Variants in ADAMTS17 observed in about 807,000 individuals in gnomAD.
ADAMTS17 encodes the protein ADAM metallopeptidase with thrombospondin type 1 motif 17.
A neutral mutation model predicts 141.5 loss-of-function variants in ADAMTS17; 113 were observed. The ratio of observed to expected loss-of-function variants is 0.80; its 90% CI spans 0.69 to 0.93. ADAMTS17 has a LOEUF of 0.93. Among genes scored for constraint, ADAMTS17 ranks in the 40% least tolerant of loss-of-function variants. The pLI, the probability that ADAMTS17 is intolerant of heterozygous loss-of-function variation, is 0.00. For synonymous variants in ADAMTS17, 768 were observed against 630.6 expected (o/e 1.22, Z -3.27); for missense variants, 1,659 against 1,517.9 (o/e 1.09, Z -1.54).
chr15:100,154,226 T>G (rs1012974948), intron 9 of ADAMTS17, among the ~76,000 whole-genome samples: 5 of 152,000 alleles, frequency 3.3e-5, no homozygotes, highest in African/African-American at 1.2e-4. Flanking sequence ...CCATGACCCT[T>G]CTGGGTGAAG....
chr15:100,029,587 C>A (rs1322261083), intron 18 of ADAMTS17, among the ~76,000 whole-genome samples: 4 of 152,208 alleles, frequency 2.6e-5, no homozygotes, highest in Admixed American at 2.6e-4. Flanking sequence ...TGCCTTCAGT[C>A]TCCACTTGGT....
intron 3 of ADAMTS17, among the ~76,000 whole-genome samples, chr15:100,290,478 G>C (rs747000911): frequency 6.6e-6 from 1 of 152,148 alleles, no homozygotes; most frequent in Non-Finnish European, 1.5e-5. Context: ...AACTACCAAA[G>C]ACATTCTTCA....
At chr15:100,198,613 A>C (rs1449357984) in intron 8 of ADAMTS17, among the ~76,000 whole-genome samples, 1 of 152,236 alleles carries the variant, frequency 6.6e-6, no homozygotes, top group African/African-American at 2.4e-5. Context: ...AGAGAAACAT[A>C]AAACAGACAC....
At chr15:100,147,131 A>G (rs980022620) in intron 10 of ADAMTS17, among the ~76,000 whole-genome samples, 1 of 151,892 alleles carries the variant, frequency 6.6e-6, no homozygotes, top group African/African-American at 2.4e-5. Flanking sequence ...CCTAATAAAA[A>G]CTTGCTGGTT....
At chr15:100,131,950 T>C in intron 12 of ADAMTS17, 57 bp downstream of exon 12, 1 of 1,612,384 alleles carries the variant, frequency 6.2e-7, no homozygotes, top group South Asian at 1.1e-5. Flanking sequence ...CAGCGAGAGC[T>C]GCTGTTGGGA....
chr15:100,073,952 A>T (rs1429384943), intron 15 of ADAMTS17: 2 of 152,192 alleles, frequency 1.3e-5, no homozygotes, highest in African/African-American at 4.8e-5. Context: ...TTAATTTTGT[A>T]CCCAACTTCC....
chr15:100,012,657 T>C (rs1202581167), intron 18 of ADAMTS17, among the ~76,000 whole-genome samples: 3 of 152,194 alleles, frequency 2.0e-5, no homozygotes, highest in Admixed American at 6.5e-5. Context: ...TTCCCCACTT[T>C]ATGTTTTTGT....
intron 9 of ADAMTS17, 61 bp downstream of exon 9, chr15:100,155,119 C>T: frequency 1.2e-6 from 2 of 1,611,862 alleles, no homozygotes; most frequent in Admixed American, 1.7e-5. Flanking sequence ...GACTCCAATA[C>T]TTTTGTCTTT....
At position 100,210,061 on chromosome 15, in the gene ADAMTS17, C is replaced by T. The variant is rs531998698; in HGVS notation, c.1076-10638G>A. 6.6e-5 allele frequency among the ~76,000 whole-genome samples: 10 copies of T among 151,814 alleles called. No individual in the cohort carries two copies. In the East Asian group the frequency reaches 1.2e-3, roughly 18 times the overall value. ...CATCCTGGCTAACACGGTGAAACCC[C>T]GTCTCTACTAAAAGTACAAAAAATT... On this transcript the variant is annotated intron_variant, in intron 7 of 21. Coordinates refer to ENST00000268070, the MANE Select transcript of ADAMTS17 (RefSeq NM_139057.4).
intron 17 of ADAMTS17, 71 bp downstream of exon 17, chr15:100,051,501 G>T: frequency 6.2e-7 from 1 of 1,604,360 alleles, no homozygotes. Context: ...TCTGCGTGCT[G>T]GCCACAGATG....
intron 8 of ADAMTS17, among the ~76,000 whole-genome samples, chr15:100,194,140 A>C (rs925374239): frequency 1.1e-4 from 17 of 151,614 alleles, no homozygotes; most frequent in Non-Finnish European, 2.5e-4. Context: ...CACAAAGCAG[A>C]CTCCCTCCCT....
Position 100,121,797 on chromosome 15 carries a change from C to T in ADAMTS17, c.1722-4784G>A, listed in dbSNP as rs192109764. Reference sequence around the variant, plus strand: ...CTGGTATGTGGCTTCTCTCAGCATGCTTCTTCAGTGGCCTGTGATGCATTC... The same window carrying T: ...CTGGTATGTGGCTTCTCTCAGCATGTTTCTTCAGTGGCCTGTGATGCATTC... On this transcript the variant is annotated intron_variant, in intron 12 of 21. Coordinates refer to ENST00000268070, the MANE Select transcript of ADAMTS17 (RefSeq NM_139057.4). Among the ~76,000 whole-genome samples the T allele has an allele frequency of 2.3e-4, 35 of 152,102 alleles. No homozygotes were observed. In the East Asian group the frequency reaches 5.2e-3, roughly 23 times the overall value.
intron 12 of ADAMTS17, among the ~76,000 whole-genome samples, chr15:100,121,605 A>C (rs1482346185): frequency 2.0e-5 from 3 of 152,252 alleles, no homozygotes; most frequent in East Asian, 3.9e-4. Flanking sequence ...ACTGTCCCTC[A>C]AAAATCAAGG....
In ADAMTS17 at chr15:100,155,291, G is replaced by A. The variant is rs1433692555; in HGVS notation, c.1211C>T (p.Ser404Leu). 8.7e-6 allele frequency: 14 copies of A among 1,614,138 alleles called. No homozygotes were observed. The highest frequency in any genetic ancestry group is 1.2e-5 in the Non-Finnish European group (14 of 1,180,002). The stretch of plus-strand genomic sequence containing the variant: ...GATGTGGGACCTGCCAGCGCAAGAT[G>A]AGTGGTCATCGTCGTGGTTCATGCC... ...NLGMNHDDDH[S>L]SCAGRSHIMS... The change falls in exon 9 of 22, where the codon TCA becomes TTA. Residue 404 changes from serine to leucine, a missense_variant. Physicochemically the swap from Ser to Leu is moderately radical, Grantham distance 145. Coordinates refer to ENST00000268070, the MANE Select transcript of ADAMTS17 (RefSeq NM_139057.4).
chr15:100,243,983 C>T (rs1384718993), intron 7 of ADAMTS17, among the ~76,000 whole-genome samples: 2 of 151,918 alleles, frequency 1.3e-5, no homozygotes, highest in Non-Finnish European at 2.9e-5. Context: ...TCTCACACTG[C>T]TAATAAAGAC....
intron 15 of ADAMTS17, among the ~76,000 whole-genome samples, chr15:100,084,353 A>G (rs2034953905): frequency 2.0e-5 from 3 of 152,212 alleles, no homozygotes; most frequent in Non-Finnish European, 4.4e-5. Context: ...GGAAGCTCGA[A>G]CTGGGTGGAG....
chr15:100,003,409 T>C (rs918082300), intron 18 of ADAMTS17, among the ~76,000 whole-genome samples: 9 of 151,822 alleles, frequency 5.9e-5, no homozygotes, highest in Admixed American at 5.9e-4. Context: ...TGCCTCAGGG[T>C]TGGGGAAGTG....
chr15:100,103,574 C>T lies in ADAMTS17; in HGVS notation c.2016+5415G>A, dbSNP rs868471178. Among the ~76,000 whole-genome samples, 16 of 150,250 alleles carry T rather than the reference C, an allele frequency of 1.1e-4. No homozygotes were observed. In the South Asian group the frequency reaches 1.5e-3, roughly 14 times the overall value. ...CACATAATCCATCCATCCAGCCACT[C>T]TTTTTTTTTCTTTTCCTTTTTTGAG... On this transcript the variant is annotated intron_variant, in intron 14 of 21. Transcript: ENST00000268070.
At chr15:100,200,560 A>G (rs928296872) in intron 7 of ADAMTS17, among the ~76,000 whole-genome samples, 3 of 152,094 alleles carry the variant, frequency 2.0e-5, no homozygotes, top group Admixed American at 6.5e-5. Flanking sequence ...TGGGCGTTTA[A>G]CCCCGAAGGC....
Sources: gnomAD v4.1 joint callset for allele counts (sites outside exome capture counted in the v4.1 genomes callset) on GRCh38, gnomAD v4.1.1 for gene constraint, MANE v1.5 for transcripts, NCBI Gene and HGNC (gene_info 2026-07-23, HGNC 2026-07-21) for gene names.